KHDRBS2: variants seen among roughly 807,000 people sequenced by gnomAD.
KHDRBS2 encodes KH domain-containing, RNA-binding, signal transduction-associated protein 2.
KHDRBS2 carries 26 observed loss-of-function variants against 44.3 expected under a neutral mutation model. That is an observed-to-expected ratio of 0.59 (90% confidence interval 0.43 to 0.81). KHDRBS2 has a LOEUF of 0.81. Ranked by LOEUF, KHDRBS2 falls within the 40% of genes least tolerant of loss-of-function variation. The probability of loss-of-function intolerance (pLI) is 0.00; values close to 1 mark genes in which losing one functional copy is unlikely to be tolerated. For synonymous variants in KHDRBS2, 194 were observed against 151.1 expected, an observed-to-expected ratio of 1.28 and a Z score of -2.08; for missense variants, 476 against 433.1, an observed-to-expected ratio of 1.10 and a Z score of -0.88.
intron 6 of KHDRBS2, among the ~76,000 whole-genome samples, chr6:61,846,882 T>C (rs1794495134): frequency 6.6e-6 from 1 of 152,026 alleles, no homozygotes. Flanking sequence ...TTTACAATAA[T>C]TTTTCCTTCA....
intron 1 of KHDRBS2, among the ~76,000 whole-genome samples, chr6:62,192,063 T>C (rs1297929880): frequency 6.6e-6 from 1 of 152,028 alleles, no homozygotes; most frequent in Admixed American, 6.6e-5. Flanking sequence ...AAGTTTTGGA[T>C]TGACATGCAA....
the KHDRBS2 span, among the ~76,000 whole-genome samples, chr6:61,639,908 A>G: frequency 1.3e-5 from 2 of 152,116 alleles, no homozygotes; most frequent in Non-Finnish European, 2.9e-5. Flanking sequence ...GGACTGTTAT[A>G]GATATAATAA....
At chr6:62,216,953 G>T (rs998379874) in intron 1 of KHDRBS2, among the ~76,000 whole-genome samples, 4 of 147,900 alleles carry the variant, frequency 2.7e-5, no homozygotes, top group African/African-American at 9.9e-5. Flanking sequence ...GTATCAGAAA[G>T]ATGTGAACTA....
intron 1 of KHDRBS2, among the ~76,000 whole-genome samples, chr6:62,180,583 T>A (rs538418155): frequency 6.6e-6 from 1 of 151,942 alleles, no homozygotes; most frequent in South Asian, 2.1e-4. Flanking sequence ...GTTTATAGAT[T>A]GGAAGAATTA....
chr6:62,242,055 T>C (rs1459174293), intron 1 of KHDRBS2, among the ~76,000 whole-genome samples: 1 of 152,206 alleles, frequency 6.6e-6, no homozygotes, highest in East Asian at 1.9e-4. Flanking sequence ...CAAATGACTT[T>C]ACACACTTTT....
chr6:61,993,341 C>A (rs768924372), intron 3 of KHDRBS2, among the ~76,000 whole-genome samples: 1 of 151,934 alleles, frequency 6.6e-6, no homozygotes, highest in Middle Eastern at 3.2e-3. Context: ...GGCTTAGACT[C>A]GCTCTTTCTT....
intron 2 of KHDRBS2, among the ~76,000 whole-genome samples, chr6:62,134,344 C>T (rs1288801909): frequency 1.3e-5 from 2 of 152,076 alleles, no homozygotes; most frequent in Non-Finnish European, 2.9e-5. Flanking sequence ...CCTGTAGGTG[C>T]ACAGAAGTCA....
intron 3 of KHDRBS2, among the ~76,000 whole-genome samples, chr6:62,012,199 A>C (rs566815061): frequency 6.6e-6 from 1 of 152,300 alleles, no homozygotes; most frequent in African/African-American, 2.4e-5. Context: ...GTCCAAGAGT[A>C]ATCTTGATTA....
At chr6:61,901,143 G>T in intron 5 of KHDRBS2, 101 bp downstream of exon 5, 3 of 1,091,696 alleles carry the variant, frequency 2.7e-6, no homozygotes, top group Non-Finnish European at 4.0e-6. Context: ...TAGTGATTGT[G>T]GCTGATGTTG....
rs137996146 is a variant in KHDRBS2, at chr6:62,068,288, T to C, written c.220-20294A>G. Among the ~76,000 whole-genome samples, 960 of 151,742 alleles carry C rather than the reference T, an allele frequency of 6.3e-3. 5 individuals carry two copies. The highest frequency in any genetic ancestry group is 0.017 in the Middle Eastern group (5 of 294). ...CTGATGGAAAATGATATTGAACATC[T>C]TTTCATATGTTTATCGACTTTTATA... On this transcript the variant is annotated intron_variant, in intron 2 of 8. Transcript: ENST00000281156.
At chr6:61,725,101 C>T (rs746851655) in intron 7 of KHDRBS2, among the ~76,000 whole-genome samples, 1 of 152,108 alleles carries the variant, frequency 6.6e-6, no homozygotes, top group Non-Finnish European at 1.5e-5. Context: ...GAAATCATAA[C>T]AGTGTCTCAG....
the KHDRBS2 span, among the ~76,000 whole-genome samples, chr6:61,554,642 G>A: frequency 6.6e-6 from 1 of 152,136 alleles, no homozygotes; most frequent in Non-Finnish European, 1.5e-5. Flanking sequence ...GTCGTGGCTT[G>A]TAACTGTCTT....
At chr6:61,988,978 TGAG>T (rs1347284438) in intron 3 of KHDRBS2, among the ~76,000 whole-genome samples, 6 of 152,122 alleles carry the variant, frequency 3.9e-5, no homozygotes, top group African/African-American at 1.4e-4. Context: ...TAAAAGAAGT[TGAG>T]GAGATGAAAT....
At chr6:61,829,588 C>T (rs1278153895) in intron 6 of KHDRBS2, among the ~76,000 whole-genome samples, 2 of 151,884 alleles carry the variant, frequency 1.3e-5, no homozygotes, top group Non-Finnish European at 2.9e-5. Context: ...ATACAGTAAA[C>T]TTATTAAAAC....
intron 2 of KHDRBS2, among the ~76,000 whole-genome samples, chr6:62,065,524 A>G (rs948377736): frequency 3.9e-4 from 59 of 150,764 alleles, no homozygotes; most frequent in African/African-American, 1.3e-3. Context: ...TCAGTAAACT[A>G]TCGCAAGAAC....
chr6:61,786,636 G>A (rs1229220797), intron 6 of KHDRBS2, among the ~76,000 whole-genome samples: 1 of 152,054 alleles, frequency 6.6e-6, no homozygotes, highest in South Asian at 2.1e-4. Flanking sequence ...AAGGGAATTA[G>A]GTGGGATCAG....
the KHDRBS2 span, among the ~76,000 whole-genome samples, chr6:61,640,572 A>G: frequency 6.6e-6 from 1 of 152,076 alleles, no homozygotes; most frequent in South Asian, 2.1e-4. Context: ...ACTGTTCTCT[A>G]AGGACCCATC....
the KHDRBS2 span, among the ~76,000 whole-genome samples, chr6:61,579,348 ATG>A: frequency 6.6e-6 from 1 of 152,194 alleles, no homozygotes; most frequent in Non-Finnish European, 1.5e-5. Context: ...ATCAGTAAAT[ATG>A]TGTGGTTGAA....
At chr6:62,162,662 C>A (rs1201476775) in intron 2 of KHDRBS2, among the ~76,000 whole-genome samples, 1 of 152,092 alleles carries the variant, frequency 6.6e-6, no homozygotes, top group African/African-American at 2.4e-5. Context: ...TTACATCAGA[C>A]AGATTCTGCA....
Sources: allele counts gnomAD v4.1 joint callset (sites outside exome capture counted in the v4.1 genomes callset), GRCh38; gene constraint gnomAD v4.1.1; transcripts MANE v1.5; gene names NCBI Gene and HGNC (gene_info 2026-07-23, HGNC 2026-07-21).